The following ITSN1 variants were observed in gnomAD, a reference collection of about 807,000 sequenced individuals.
The protein encoded by ITSN1 is intersectin-1.
ITSN1 carries 58 observed loss-of-function variants against 239.8 expected under a neutral mutation model. That is an observed-to-expected ratio of 0.24 (90% confidence interval 0.20 to 0.30). The LOEUF is 0.30. Ranked by LOEUF, ITSN1 falls within the 10% of genes least tolerant of loss-of-function variation. The probability of loss-of-function intolerance (pLI) is 1.00; values close to 1 mark genes in which losing one functional copy is unlikely to be tolerated. For missense variants in ITSN1, 1,558 were observed against 2,103.3 expected, an observed-to-expected ratio of 0.74 and a Z score of 5.07; for synonymous variants, 780 against 770.8, an observed-to-expected ratio of 1.01 and a Z score of -0.20.
chr21:33,850,761 A>G (rs1418342494), intron 29 of ITSN1, among the ~76,000 whole-genome samples: 1 of 152,230 alleles, frequency 6.6e-6, no homozygotes, highest in African/African-American at 2.4e-5. Context: ...ATGTGGCTTC[A>G]TCTGCTTTTC....
chr21:33,775,273 CAAG>C (rs1183950606), intron 14 of ITSN1, among the ~76,000 whole-genome samples, 165 bp downstream of exon 14: 2 of 152,166 alleles, frequency 1.3e-5, no homozygotes, highest in Admixed American at 1.3e-4. Context: ...AGTAGCCTGT[CAAG>C]GAGACAAACT....
At chr21:33,717,398 T>A (rs2065214401) in intron 1 of ITSN1, among the ~76,000 whole-genome samples, 1 of 151,838 alleles carries the variant, frequency 6.6e-6, no homozygotes, top group Non-Finnish European at 1.5e-5. Flanking sequence ...GGTTTTGCCA[T>A]GTTGCCCAGG....
At chr21:33,864,178 C>T (rs918575875) in intron 31 of ITSN1, among the ~76,000 whole-genome samples, 1 of 152,216 alleles carries the variant, frequency 6.6e-6, no homozygotes, top group Admixed American at 6.5e-5. Context: ...ACCATGAAAG[C>T]AGCCAAAGGC....
intron 17 of ITSN1, among the ~76,000 whole-genome samples, chr21:33,794,869 C>T (rs973644832): frequency 6.6e-6 from 1 of 152,152 alleles, no homozygotes; most frequent in Non-Finnish European, 1.5e-5. Flanking sequence ...TCAGGGTGGG[C>T]CTCTTCTGTT....
intron 1 of ITSN1, among the ~76,000 whole-genome samples, chr21:33,645,783 A>G (rs1434784540): frequency 6.6e-6 from 1 of 152,342 alleles, no homozygotes; most frequent in Non-Finnish European, 1.5e-5. Flanking sequence ...TTTCTCCTGC[A>G]TAGGGAAGTT....
At chr21:33,665,825 G>A (rs2089893420) in intron 1 of ITSN1, among the ~76,000 whole-genome samples, 1 of 151,954 alleles carries the variant, frequency 6.6e-6, no homozygotes, top group Non-Finnish European at 1.5e-5. Flanking sequence ...ATATGGTACA[G>A]TATAAACGTA....
intron 29 of ITSN1, among the ~76,000 whole-genome samples, chr21:33,851,775 TTCC>T (rs1486202467): frequency 2.0e-4 from 25 of 128,066 alleles, no homozygotes; most frequent in African/African-American, 7.3e-4. Flanking sequence ...TTTCTTTTCT[TTCC>T]TTTTTTTTTT....
chr21:33,765,742 T>A, intron 9 of ITSN1, 133 bp from the exon 10 acceptor site: 1 of 839,990 alleles, frequency 1.2e-6, no homozygotes, highest in Non-Finnish European at 1.9e-6. Flanking sequence ...AGGTACTATT[T>A]TGACAAAATG....
At chr21:33,844,109 G>A (rs373492198) in intron 29 of ITSN1, among the ~76,000 whole-genome samples, 6 of 152,226 alleles carry the variant, frequency 3.9e-5, no homozygotes, top group African/African-American at 1.4e-4. Flanking sequence ...CTCATTGCAA[G>A]ATTTGCCCTA....
intron 1 of ITSN1, among the ~76,000 whole-genome samples, chr21:33,684,319 C>T (rs1459750187): frequency 6.6e-6 from 1 of 152,130 alleles, no homozygotes; most frequent in Non-Finnish European, 1.5e-5. Flanking sequence ...ATCTTGATGG[C>T]ACTCATCTGA....
intron 5 of ITSN1, among the ~76,000 whole-genome samples, chr21:33,749,459 A>G (rs1274732444): frequency 6.6e-6 from 1 of 152,078 alleles, no homozygotes; most frequent in Non-Finnish European, 1.5e-5. Context: ...CCTGGCCAAC[A>G]TGGTGAAACC....
intron 5 of ITSN1, among the ~76,000 whole-genome samples, chr21:33,747,383 T>C (rs1250493303): frequency 6.6e-6 from 1 of 152,032 alleles, no homozygotes; most frequent in African/African-American, 2.4e-5. Flanking sequence ...ATGGGAGTCT[T>C]AGAAGGAGGA....
rs114311327 is a variant in ITSN1, at chr21:33,788,058, A to G, written c.1824+5925A>G. Among the ~76,000 whole-genome samples, 1,146 of 152,296 alleles carry G rather than the reference A, an allele frequency of 7.5e-3. 14 individuals carry two copies. The highest frequency in any genetic ancestry group is 0.026 in the African/African-American group (1,094 of 41,550). Reference sequence around the variant, plus strand: ...TTTGGGAAAGGGTTAAGAAGAACTCAGTCTTTTGAAAAAATACTTTCTTCT... The same window carrying G: ...TTTGGGAAAGGGTTAAGAAGAACTCGGTCTTTTGAAAAAATACTTTCTTCT... On this transcript the variant is annotated intron_variant, in intron 16 of 39. Transcript: ENST00000381318.
At chr21:33,866,426 G>A (rs1981592382) in intron 32 of ITSN1, among the ~76,000 whole-genome samples, 1 of 152,198 alleles carries the variant, frequency 6.6e-6, no homozygotes, top group African/African-American at 2.4e-5. Context: ...GTTCATTGTT[G>A]GATGCACTTG....
intron 1 of ITSN1, among the ~76,000 whole-genome samples, chr21:33,663,786 T>C (rs1214412661): frequency 6.6e-6 from 1 of 152,182 alleles, no homozygotes; most frequent in Non-Finnish European, 1.5e-5. Flanking sequence ...GTATTTTTAG[T>C]AGAGACGGGG....
chr21:33,806,431 C>CA (rs1472404243), intron 20 of ITSN1, among the ~76,000 whole-genome samples: 1 of 152,174 alleles, frequency 6.6e-6, no homozygotes, highest in Non-Finnish European at 1.5e-5. Flanking sequence ...CCCTTTGTGA[C>CA]AAGGTCAGAG....
intron 28 of ITSN1, among the ~76,000 whole-genome samples, chr21:33,834,820 C>T (rs1171248080): frequency 1.3e-5 from 2 of 151,984 alleles, no homozygotes; most frequent in African/African-American, 2.4e-5. Context: ...GAGCTGGGGG[C>T]CACGGGGGTT....
chr21:33,797,574 T>C lies in ITSN1; in HGVS notation c.2148T>C (p.Ala716=), dbSNP rs931203467. The stretch of plus-strand genomic sequence containing the variant: ...TTTTCCATCAACACCAAGAACCAGC[T>C]AAGCCAGCTGTCCAGGCACCCTGGT... ...GRLFHQHQEP[A]KPAVQAPWST... is the part of the protein sequence containing the mutation. The change falls in exon 18 of 40, where the codon GCT becomes GCC. Residue 716 remains alanine, a synonymous_variant. Transcript: ENST00000381318. This position sits in a 1 kb window ranked among gnomAD's most constrained non-coding sequence, Gnocchi z 4.9. 1.8e-5 allele frequency: 29 copies of C among 1,613,884 alleles called. No individual in the cohort carries two copies. The highest frequency in any genetic ancestry group is 2.5e-5 in the Non-Finnish European group (29 of 1,179,926).
At chr21:33,885,343 C>A in intron 37 of ITSN1, 96 bp from the exon 38 acceptor site, 2 of 1,217,596 alleles carry the variant, frequency 1.6e-6, no homozygotes, top group South Asian at 1.2e-5. Context: ...ACTTTTGAGT[C>A]GGGAGAGGTA....
Sources: allele counts gnomAD v4.1 joint callset (sites outside exome capture counted in the v4.1 genomes callset), GRCh38; gene constraint gnomAD v4.1.1; non-coding constraint Gnocchi (gnomAD v3.1); transcripts MANE v1.5; gene names NCBI Gene and HGNC (gene_info 2026-07-23, HGNC 2026-07-21).